PPFIA1: variants seen among roughly 807,000 people sequenced by gnomAD.
PPFIA1 encodes PPFI scaffold protein A1, also known as liprin-alpha-1.
PPFIA1 carries 25 observed loss-of-function variants against 149.9 expected under a neutral mutation model. That is an observed-to-expected ratio of 0.17 (90% confidence interval 0.12 to 0.23). The LOEUF is 0.23. PPFIA1 is among the 10% of genes least tolerant of loss of function. The pLI, the probability that PPFIA1 is intolerant of heterozygous loss-of-function variation, is 1.00. For synonymous variants in PPFIA1, 549 were observed against 552.8 expected, an observed-to-expected ratio of 0.99 and a Z score of 0.10; for missense variants, 1,362 against 1,506.5, an observed-to-expected ratio of 0.90 and a Z score of 1.59.
At chr11:70,350,262 A>G (rs2055976432) in intron 16 of PPFIA1, among the ~76,000 whole-genome samples, 2 of 152,228 alleles carry the variant, frequency 1.3e-5, no homozygotes, top group East Asian at 1.9e-4. Flanking sequence ...TGTTTCCTAC[A>G]TAACTAATCT....
At position 70,337,414 on chromosome 11, in the gene PPFIA1, C is replaced by A; in HGVS notation, c.1478C>A (p.Thr493Lys). ...AGTGCAAAAAAGCAGTTAGAAGAAA[C>A]ACAACACGATAAGGTACTGAAATCT... ...VESAKKQLEETQHDKDQLVLN... is the reference protein window; with the variant it reads ...VESAKKQLEEKQHDKDQLVLN... Residue 493 changes from threonine (T) to lysine (K), a missense_variant, in exon 12 of 28, where the codon ACA (threonine) becomes AAA (lysine). This residue lies in a region of PPFIA1 where 733 missense variants were observed against 744.1 expected (regional missense o/e 0.99). Coordinates refer to ENST00000253925, the MANE Select transcript of PPFIA1 (RefSeq NM_003626.5). 2 of 1,596,322 alleles carry A rather than the reference C, an allele frequency of 1.3e-6. No individual in the cohort carries two copies. Among genetic ancestry groups the A allele is most frequent in the Non-Finnish European group, 1.7e-6 (2 of 1,170,308 alleles).
At chr11:70,368,845 C>T (rs1281560565) in intron 21 of PPFIA1, among the ~76,000 whole-genome samples, 1 of 151,986 alleles carries the variant, frequency 6.6e-6, no homozygotes, top group Non-Finnish European at 1.5e-5. Context: ...TTTTATTTCT[C>T]TTTCTTGACC....
intron 2 of PPFIA1, among the ~76,000 whole-genome samples, chr11:70,285,603 C>T (rs980133618): frequency 1.3e-5 from 2 of 150,894 alleles, no homozygotes; most frequent in African/African-American, 4.9e-5. Flanking sequence ...TCGCTTGAAC[C>T]TGGGAGGTGG....
chr11:70,282,867 T>C (rs1191852600), intron 2 of PPFIA1, among the ~76,000 whole-genome samples: 4 of 137,376 alleles, frequency 2.9e-5, no homozygotes, highest in East Asian at 2.2e-4. Context: ...AAGAAGGAAT[T>C]TTGCTCTTGT....
chr11:70,349,070 A>G (rs1403859379), intron 16 of PPFIA1, among the ~76,000 whole-genome samples: 1 of 151,060 alleles, frequency 6.6e-6, no homozygotes, highest in African/African-American at 2.4e-5. Context: ...GGGAAAATGC[A>G]CAAAGTGGGT....
intron 2 of PPFIA1, among the ~76,000 whole-genome samples, chr11:70,294,629 T>C (rs1225014328): frequency 6.6e-6 from 1 of 150,456 alleles, no homozygotes; most frequent in Non-Finnish European, 1.5e-5. Flanking sequence ...CATAGGACAA[T>C]AGTGGAAGGA....
At chr11:70,326,479 G>A in intron 6 of PPFIA1, 116 bp downstream of exon 6, 1 of 1,283,484 alleles carries the variant, frequency 7.8e-7, no homozygotes, top group South Asian at 1.3e-5. Context: ...GGTCATGAAA[G>A]TTGTGTAATC....
intron 25 of PPFIA1, 68 bp from the exon 26 acceptor site, chr11:70,377,962 C>T (rs1270699270): frequency 1.6e-6 from 2 of 1,225,692 alleles, no homozygotes; most frequent in Admixed American, 2.0e-5. Context: ...TTTTAAAGGA[C>T]ATGTAACTTT....
chr11:70,347,769 C>T (rs999366015), intron 15 of PPFIA1, among the ~76,000 whole-genome samples: 2 of 151,832 alleles, frequency 1.3e-5, no homozygotes, highest in South Asian at 2.1e-4. Context: ...TTTGGGAGGC[C>T]GAGGCAGGCG....
At chr11:70,368,451 C>T (rs1278181663) in intron 21 of PPFIA1, among the ~76,000 whole-genome samples, 1 of 152,132 alleles carries the variant, frequency 6.6e-6, no homozygotes, top group African/African-American at 2.4e-5. Flanking sequence ...ACAAAGATAC[C>T]ATAAGGTAGC....
intron 21 of PPFIA1, among the ~76,000 whole-genome samples, chr11:70,369,034 C>T (rs1468000009): frequency 6.6e-6 from 1 of 151,966 alleles, no homozygotes; most frequent in East Asian, 1.9e-4. Flanking sequence ...AAGTGACCCG[C>T]CCACCTCTGC....
chr11:70,307,593 T>C (rs1422919528), intron 2 of PPFIA1, among the ~76,000 whole-genome samples: 2 of 152,124 alleles, frequency 1.3e-5, no homozygotes, highest in Non-Finnish European at 2.9e-5. Flanking sequence ...AAAAATTAAG[T>C]ACTTTTTCTA....
In PPFIA1 at chr11:70,305,104, G is replaced by A. The variant is rs1310337446; in HGVS notation, c.265-19298G>A. 3.9e-5 allele frequency among the ~76,000 whole-genome samples: 6 copies of A among 152,118 alleles called. No individual in the cohort carries two copies. In the East Asian group the frequency reaches 7.7e-4, roughly 20 times the overall value. On this transcript the variant is annotated intron_variant, in intron 2 of 27. Coordinates refer to ENST00000253925, the MANE Select transcript of PPFIA1 (RefSeq NM_003626.5). ...GTGGCAGCCAGTGGCCTAGTGTCCCGCAGGCAGAGCAGACTCTTTGTTTCT... is the reference window on the plus strand; with the variant it reads ...GTGGCAGCCAGTGGCCTAGTGTCCCACAGGCAGAGCAGACTCTTTGTTTCT...
intron 2 of PPFIA1, among the ~76,000 whole-genome samples, chr11:70,303,076 G>A (rs772864703): frequency 1.4e-4 from 22 of 152,272 alleles, no homozygotes; most frequent in Admixed American, 1.0e-3. Context: ...TTGGTCTTGC[G>A]TATGCTGAGG....
At chr11:70,334,208 G>A (rs941578954) in intron 10 of PPFIA1, 1 of 152,538 alleles carries the variant, frequency 6.6e-6, no homozygotes, top group African/African-American at 2.4e-5. Flanking sequence ...AGGGCCAGCT[G>A]GTACCAGGCC....
chr11:70,381,984 C>A, intron 26 of PPFIA1, 104 bp from the exon 27 acceptor site: 2 of 981,526 alleles, frequency 2.0e-6, no homozygotes, highest in Admixed American at 2.0e-5. Context: ...TCCGTAGGCA[C>A]TGCTGTAGGT....
chr11:70,316,118 C>G (rs2053612091), intron 2 of PPFIA1, among the ~76,000 whole-genome samples: 1 of 152,024 alleles, frequency 6.6e-6, no homozygotes, highest in South Asian at 2.1e-4. Flanking sequence ...ATTGCCCAGG[C>G]TGGAGTGCAG....
Position 70,354,151 on chromosome 11 carries a change from CCTT to C in PPFIA1, c.2164-148_2164-146del. 3 of 771,110 alleles carry C rather than the reference CCTT, an allele frequency of 3.9e-6. No individual in the cohort carries two copies. The South Asian group carries it at 5.6e-5, about 14-fold the overall frequency. The allele number at this position is 771,110 out of a possible 1,614,324, so 47.8% of individuals were successfully genotyped here. Reference sequence around the variant, plus strand: ...ACTCTGTGGTGCTGTGCTGCGTGGCCCTTCAGAATGGTGCCAGACTGAAACAAG... The same window carrying C: ...ACTCTGTGGTGCTGTGCTGCGTGGCCCAGAATGGTGCCAGACTGAAACAAG... On this transcript the variant is annotated intron_variant, in intron 16 of 27. Coordinates refer to ENST00000253925, the MANE Select transcript of PPFIA1 (RefSeq NM_003626.5).
intron 27 of PPFIA1, 110 bp from the exon 28 acceptor site, chr11:70,382,893 G>C (rs1030207719): frequency 1.5e-5 from 5 of 332,916 alleles, no homozygotes; most frequent in Non-Finnish European, 2.2e-5. Context: ...GGGTCCTGGA[G>C]GGGAGGGGTC....
Sources: gnomAD v4.1 joint callset for allele counts (sites outside exome capture counted in the v4.1 genomes callset) on GRCh38, gnomAD v4.1.1 for gene constraint, gnomAD v4.1.1 regional missense constraint, MANE v1.5 for transcripts, NCBI Gene and HGNC (gene_info 2026-07-23, HGNC 2026-07-21) for gene names.